PEPD: variants seen among roughly 807,000 people sequenced by gnomAD.
PEPD encodes xaa-Pro dipeptidase.
Under a neutral mutation model 60.7 loss-of-function variants are expected in PEPD, and 53 were observed. The observed-to-expected ratio is 0.87, with a 90% confidence interval of 0.70 to 1.10. The LOEUF is 1.10. Ranked by LOEUF, PEPD falls within the 50% of genes least tolerant of loss-of-function variation. The pLI, the probability that PEPD is intolerant of heterozygous loss-of-function variation, is 0.00. For synonymous variants in PEPD, 267 were observed against 284.1 expected (o/e 0.94, Z 0.60); for missense variants, 711 against 711.9 (o/e 1.00, Z 0.01).
intron 9 of PEPD, among the ~76,000 whole-genome samples, chr19:33,426,967 G>A (rs536644245): frequency 1.3e-5 from 2 of 152,346 alleles, no homozygotes; most frequent in South Asian, 2.1e-4. Flanking sequence ...CCCCTCCACC[G>A]CGTGCGGCTG....
chr19:33,498,161 C>T (rs559040678), intron 4 of PEPD, among the ~76,000 whole-genome samples: 2 of 152,220 alleles, frequency 1.3e-5, no homozygotes, highest in South Asian at 2.1e-4. Context: ...CTGCTGTCAA[C>T]GTGAGCCTTG....
In PEPD at chr19:33,466,658, C is replaced by A. The variant is rs1970022497; in HGVS notation, c.549-2596G>T. The stretch of plus-strand genomic sequence containing the variant: ...CAGGTAAGAGATAGAACTATATTGG[C>A]CACGTCCAGGATGTCTTATGGACAA... On this transcript the variant is annotated intron_variant, in intron 7 of 14. Transcript: ENST00000244137. Among the ~76,000 whole-genome samples, 3 of 151,846 alleles carry A rather than the reference C, an allele frequency of 2.0e-5. No individual in the cohort carries two copies. In the South Asian group the frequency reaches 6.2e-4, roughly 32 times the overall value.
chr19:33,408,316 T>C (rs969099511), intron 11 of PEPD, among the ~76,000 whole-genome samples: 19 of 152,236 alleles, frequency 1.2e-4, no homozygotes, highest in Admixed American at 1.2e-3. Context: ...CATCAGGGCC[T>C]GGCCTGCCCA....
chr19:33,466,074 T>A (rs1970012911), intron 7 of PEPD, among the ~76,000 whole-genome samples: 1 of 152,100 alleles, frequency 6.6e-6, no homozygotes, highest in African/African-American at 2.4e-5. Context: ...TAGAAAGCAA[T>A]CAGTAGAAAT....
chr19:33,504,885 C>T (rs748467481), intron 3 of PEPD, among the ~76,000 whole-genome samples: 15 of 152,138 alleles, frequency 9.9e-5, no homozygotes, highest in Non-Finnish European at 1.6e-4. Flanking sequence ...GAGAAGTCCT[C>T]CTACCCAAAG....
intron 9 of PEPD, among the ~76,000 whole-genome samples, chr19:33,443,602 C>T (rs896438934): frequency 4.6e-5 from 7 of 151,206 alleles, no homozygotes; most frequent in Non-Finnish European, 7.4e-5. Flanking sequence ...AAAAAGAAAA[C>T]GACATAAAAA....
At chr19:33,463,183 CAT>C (rs1310092807) in intron 8 of PEPD, 142 bp from the exon 9 acceptor site, 8 of 724,948 alleles carry the variant, frequency 1.1e-5, no homozygotes, top group Admixed American at 1.9e-5. Flanking sequence ...GTGGTACAGA[CAT>C]GTGACAAATT....
rs551738725 is a variant in PEPD at position 33,478,398 on chromosome 19, A to G, written c.504-308T>C. Among the ~76,000 whole-genome samples, 13 of 152,338 alleles carry G rather than the reference A, an allele frequency of 8.5e-5. No individual in the cohort carries two copies. The East Asian group carries it at 2.3e-3, about 27-fold the overall frequency. On this transcript the variant is annotated intron_variant, in intron 6 of 14. Transcript: ENST00000244137. ...ATATCAAAATACACACAATAGGAGT[A>G]CCAGAAGGAAAGAATGCAGAGAAAG...
intron 1 of PEPD, among the ~76,000 whole-genome samples, chr19:33,515,218 C>A (rs1473294823): frequency 6.6e-6 from 1 of 152,166 alleles, no homozygotes; most frequent in African/African-American, 2.4e-5. Context: ...TGAGAAGATG[C>A]CACATCAGCC....
At chr19:33,407,461 GA>G (rs775673715) in intron 11 of PEPD, among the ~76,000 whole-genome samples, 11 of 152,244 alleles carry the variant, frequency 7.2e-5, no homozygotes, top group Non-Finnish European at 1.3e-4. Flanking sequence ...GAAGCAGGGG[GA>G]TGAGTCCTGG....
At chr19:33,470,298 C>T (rs574895651) in intron 7 of PEPD, among the ~76,000 whole-genome samples, 2 of 152,108 alleles carry the variant, frequency 1.3e-5, no homozygotes, top group African/African-American at 4.8e-5. Context: ...GGCTTCCCCT[C>T]GTTTCCAGTG....
At chr19:33,393,276 T>TGGCGTGGGGGAGAGCCC (rs1968274109) in intron 12 of PEPD, among the ~76,000 whole-genome samples, 1 of 141,476 alleles carries the variant, frequency 7.1e-6, no homozygotes, top group African/African-American at 2.7e-5. Flanking sequence ...GCCCGGGGTC[T>TGGCGTGGGGGAGAGCCC]GGGGTCTGGC....
At chr19:33,469,775 G>A (rs1475305633) in intron 7 of PEPD, among the ~76,000 whole-genome samples, 2 of 151,894 alleles carry the variant, frequency 1.3e-5, no homozygotes, top group Admixed American at 6.6e-5. Context: ...GGCCCTAACC[G>A]TCCTTGCCTT....
intron 6 of PEPD, among the ~76,000 whole-genome samples, chr19:33,479,346 A>G (rs1000087228): frequency 5.9e-5 from 9 of 152,216 alleles, no homozygotes. Flanking sequence ...CTTATCAATA[A>G]TTACTTTAGA....
intron 12 of PEPD, among the ~76,000 whole-genome samples, chr19:33,399,781 T>C (rs1218485401): frequency 1.3e-5 from 2 of 152,124 alleles, no homozygotes; most frequent in East Asian, 3.9e-4. Flanking sequence ...TCTTCTTTTT[T>C]CCTTGAACAC....
rs530481907 is a variant in PEPD at position 33,387,710 on chromosome 19, CTCTG to C, written c.1344+176_1344+179del. On this transcript the variant is annotated intron_variant, in intron 14 of 14. Transcript: ENST00000244137. The stretch of plus-strand genomic sequence containing the variant: ...GGAGCGGGCAGGGGTTTTGCAGGAT[CTCTG>C]TCTGTTCCTACTGAGGGGTGAGGCT... 4.8e-4 allele frequency: 364 copies of C among 762,070 alleles called. 1 individual carries two copies. Among genetic ancestry groups the C allele is most frequent in the Admixed American group, 9.0e-4 (43 of 47,952 alleles). The allele number at this position is 762,070 out of a possible 1,614,324, so 47.2% of individuals were successfully genotyped here.
rs1968084446 is a variant in PEPD, at chr19:33,387,039, G to C, written c.*305C>G. ...CAGAAATGCTTCTTTCCTGGGAAAA[G>C]GAATATAAATGACAGCAAGACACAT... On this transcript the variant is annotated 3_prime_UTR_variant, in exon 15 of 15. Transcript: ENST00000244137. The C allele has an allele frequency of 2.4e-6, 1 of 411,290 alleles. No individual in the cohort carries two copies. The highest frequency in any genetic ancestry group is 2.0e-5 in the African/African-American group (1 of 49,970). The allele number at this position is 411,290 out of a possible 1,614,324, so 25.5% of individuals were successfully genotyped here. A position where few individuals can be genotyped will look rare whatever the true frequency, so the allele number is the denominator to read the frequency against.
At chr19:33,499,110 T>C (rs1218518505) in intron 4 of PEPD, among the ~76,000 whole-genome samples, 1 of 152,128 alleles carries the variant, frequency 6.6e-6, no homozygotes, top group Non-Finnish European at 1.5e-5. Flanking sequence ...TGGCAGATGG[T>C]CTCATTGGGA....
At chr19:33,475,324 C>A (rs1389013424) in intron 7 of PEPD, among the ~76,000 whole-genome samples, 1 of 151,896 alleles carries the variant, frequency 6.6e-6, no homozygotes, top group African/African-American at 2.4e-5. Context: ...GGAAAGCCCA[C>A]CCATTCCTGT....
Sources: gnomAD v4.1 joint callset for allele counts (sites outside exome capture counted in the v4.1 genomes callset) on GRCh38, gnomAD v4.1.1 for gene constraint, MANE v1.5 for transcripts, NCBI Gene and HGNC (gene_info 2026-07-23, HGNC 2026-07-21) for gene names.